The following COPZ1 variants were observed in gnomAD, a reference collection of about 807,000 sequenced individuals.
The protein encoded by COPZ1 is coatomer subunit zeta-1.
A neutral mutation model predicts 31.7 loss-of-function variants in COPZ1; 4 were observed. The ratio of observed to expected loss-of-function variants is 0.13; its 90% confidence interval spans 0.06 to 0.29. The LOEUF is 0.29. Among genes scored for constraint, COPZ1 ranks in the 10% least tolerant of loss-of-function variants. The probability of loss-of-function intolerance (pLI) is 1.00; values close to 1 mark genes in which losing one functional copy is unlikely to be tolerated. For missense variants in COPZ1, 156 were observed against 211.5 expected (o/e 0.74, Z 1.63); for synonymous variants, 74 against 79.0 (o/e 0.94, Z 0.33).
chr12:54,334,377 C>T (rs1000088423), intron 1 of COPZ1, among the ~76,000 whole-genome samples: 11 of 151,196 alleles, frequency 7.3e-5, no homozygotes, highest in African/African-American at 1.9e-4. Context: ...GCCAAGATCA[C>T]GCCACTGCAC....
intron 5 of COPZ1, chr12:54,346,625 C>T (rs777663603): frequency 1.4e-6 from 1 of 701,872 alleles, no homozygotes; most frequent in East Asian, 2.7e-5. Context: ...AGGAAGCACC[C>T]AGGCAGGAGG....
At chr12:54,326,961 CTTTTTTTTTT>C (rs60827109) in intron 1 of COPZ1, among the ~76,000 whole-genome samples, 39 of 43,534 alleles carry the variant, frequency 9.0e-4, no homozygotes, top group African/African-American at 2.4e-3. Flanking sequence ...AACAAGTATT[CTTTTTTTTTT>C]TTTTTTTTTT....
Position 54,327,296 on chromosome 12 carries a change from GT to G in COPZ1, c.18+2132del, listed in dbSNP as rs79015590. Among the ~76,000 whole-genome samples, 638 of 118,642 alleles carry G rather than the reference GT, an allele frequency of 5.4e-3. 5 individuals carry two copies. The highest frequency in any genetic ancestry group is 0.014 in the African/African-American group (456 of 31,978). The allele number at this position is 118,642 out of a possible 152,430, so 77.8% of individuals were successfully genotyped here. ...TCACTGCACCCCGGCCAGTTAGCAAGTTTTTTTTTTTTTTTTTGGAAACAGA... is the reference window on the plus strand; with the variant it reads ...TCACTGCACCCCGGCCAGTTAGCAAGTTTTTTTTTTTTTTTTGGAAACAGA... On this transcript the variant is annotated intron_variant, in intron 1 of 8. Transcript: ENST00000262061.
At chr12:54,331,987 C>T (rs1953763388) in intron 1 of COPZ1, among the ~76,000 whole-genome samples, 1 of 152,128 alleles carries the variant, frequency 6.6e-6, no homozygotes, top group Admixed American at 6.5e-5. Flanking sequence ...CTTTCACTTC[C>T]ATGATAGTTG....
chr12:54,350,595 C>T lies in COPZ1; in HGVS notation c.*72C>T, dbSNP rs1954130879. ...GTCTGCTGTGAATTTTCATCTAGTT[C>T]CCCAATCGATGCTCTCAGGGTCATC... On this transcript the variant is annotated 3_prime_UTR_variant, in exon 9 of 9. Coordinates refer to ENST00000262061, the MANE Select transcript of COPZ1 (RefSeq NM_016057.3). The T allele has an allele frequency of 3.5e-5, 42 of 1,185,678 alleles. No individual in the cohort carries two copies. The South Asian group carries it at 4.0e-4, about 11-fold the overall frequency. The allele number at this position is 1,185,678 out of a possible 1,614,324, so 73.4% of individuals were successfully genotyped here. A position where few individuals can be genotyped will look rare whatever the true frequency, so the allele number is the denominator to read the frequency against.
chr12:54,340,878 T>G (rs1352674830), intron 2 of COPZ1, among the ~76,000 whole-genome samples: 2 of 152,062 alleles, frequency 1.3e-5, no homozygotes, highest in Non-Finnish European at 2.9e-5. Context: ...TTTTTGTATC[T>G]TTAGTAGAGA....
chr12:54,338,863 T>C (rs553185411), intron 1 of COPZ1, among the ~76,000 whole-genome samples: 27 of 152,330 alleles, frequency 1.8e-4, no homozygotes, highest in African/African-American at 6.3e-4. Context: ...TGAACTGCCC[T>C]CCTCTGCCCC....
At chr12:54,334,751 G>C (rs1953825883) in intron 1 of COPZ1, among the ~76,000 whole-genome samples, 1 of 151,286 alleles carries the variant, frequency 6.6e-6, no homozygotes, top group South Asian at 2.1e-4. Flanking sequence ...CAGCCACTCG[G>C]GAGGCTGAGG....
intron 1 of COPZ1, among the ~76,000 whole-genome samples, chr12:54,326,526 C>T (rs1228054185): frequency 3.3e-5 from 5 of 149,274 alleles, no homozygotes; most frequent in Admixed American, 2.7e-4. Context: ...TGTATTAGCC[C>T]TCTTGTCCAT....
chr12:54,334,502 A>G (rs1047727900), intron 1 of COPZ1, among the ~76,000 whole-genome samples: 9 of 152,140 alleles, frequency 5.9e-5, no homozygotes, highest in East Asian at 1.9e-4. Context: ...TCTGAAGTCT[A>G]TCGGATTGTG....
rs527772658 is a variant in COPZ1 at position 54,350,772 on chromosome 12, T to C, written c.*249T>C. On this transcript the variant is annotated 3_prime_UTR_variant, in exon 9 of 9. Coordinates refer to ENST00000262061, the MANE Select transcript of COPZ1 (RefSeq NM_016057.3). ...ATAATAGGGCAGGGGAAGCACCCTC[T>C]TTCTTTCTAGACTGGATTATGCTCA... 233 of 563,220 alleles carry C rather than the reference T, an allele frequency of 4.1e-4. No homozygotes were observed. Among genetic ancestry groups the C allele is most frequent in the Non-Finnish European group, 6.2e-4 (193 of 312,960 alleles). 34.9% of individuals were successfully genotyped at this position (563,220 alleles called of 1,614,324 possible). A position where few individuals can be genotyped will look rare whatever the true frequency, so the allele number is the denominator to read the frequency against.
intron 1 of COPZ1, among the ~76,000 whole-genome samples, chr12:54,332,228 A>G (rs962085869): frequency 1.1e-4 from 17 of 152,238 alleles, no homozygotes; most frequent in African/African-American, 3.9e-4. Flanking sequence ...AGGCTGAGGC[A>G]GGAGAATGGC....
chr12:54,348,187 G>A (rs1954096223), intron 7 of COPZ1, 136 bp downstream of exon 7: 2 of 723,272 alleles, frequency 2.8e-6, no homozygotes, highest in South Asian at 3.4e-5. Flanking sequence ...AATACATTCA[G>A]CCTTTCTCTT....
chr12:54,342,182 C>G, intron 2 of COPZ1, 24 bp from the exon 3 acceptor site: 1 of 1,578,426 alleles, frequency 6.3e-7, no homozygotes, highest in Non-Finnish European at 8.7e-7. Flanking sequence ...GTGACCCAAC[C>G]CTGTCTTCTT....
intron 1 of COPZ1, 167 bp downstream of exon 1, chr12:54,325,348 T>G (rs957297161): frequency 1.0e-6 from 1 of 956,664 alleles, no homozygotes; most frequent in African/African-American, 1.7e-5. Flanking sequence ...AGCTAAAGCC[T>G]TGGTTTAGAG....
Position 54,343,277 on chromosome 12 carries a change from T to C in COPZ1, c.222T>C (p.Asp74=), listed in dbSNP as rs770312154. The change falls in exon 4 of 9, where the codon GAT becomes GAC. Residue 74 remains aspartate, a synonymous_variant. Transcript: ENST00000262061. ...GLTVVYKSSI[D]LYFYVIGSSY... ...CAGTGGTATACAAAAGCAGTATAGA[T>C]CTCTATTTCTATGTGATTGGCAGCT... The C allele has an allele frequency of 1.9e-6, 3 of 1,613,942 alleles. No individual in the cohort carries two copies. The East Asian group carries it at 6.7e-5, about 36-fold the overall frequency.
chr12:54,329,000 T>C (rs7964528), intron 1 of COPZ1, among the ~76,000 whole-genome samples: 14,655 of 152,236 alleles, frequency 0.096, 873 homozygotes, highest in East Asian at 0.16. Flanking sequence ...TGGTCACATT[T>C]CTTTCTTGAA....
Position 54,340,372 on chromosome 12 carries a change from A to C in COPZ1, c.19-175A>C, listed in dbSNP as rs1483879724. The C allele has an allele frequency of 4.0e-6, 4 of 999,480 alleles. No homozygotes were observed. The African/African-American group carries it at 6.6e-5, about 17-fold the overall frequency. 61.9% of individuals were successfully genotyped at this position (999,480 alleles called of 1,614,324 possible). A position where few individuals can be genotyped will look rare whatever the true frequency, so the allele number is the denominator to read the frequency against. On this transcript the variant is annotated intron_variant, in intron 1 of 8. Coordinates refer to ENST00000262061, the MANE Select transcript of COPZ1 (RefSeq NM_016057.3). ...AATGCTTTCTCTGTCAATTCAGTTT[A>C]CTTACCCTGGGTCTTTCTCAATGGG...
intron 1 of COPZ1, chr12:54,337,087 C>G (rs1435050287): frequency 4.5e-6 from 2 of 445,350 alleles, no homozygotes; most frequent in East Asian, 1.3e-4. Flanking sequence ...AGCCTAGTTG[C>G]TTGTTCTGTG....
Sources: allele counts gnomAD v4.1 joint callset (sites outside exome capture counted in the v4.1 genomes callset), GRCh38; gene constraint gnomAD v4.1.1; transcripts MANE v1.5; gene names NCBI Gene and HGNC (gene_info 2026-07-23, HGNC 2026-07-21).